Variants in TMX3 observed in about 807,000 individuals in gnomAD.
TMX3 encodes the protein protein disulfide-isomerase TMX3.
Under a neutral mutation model 64.4 loss-of-function variants are expected in TMX3, and 40 were observed. The ratio of observed to expected loss-of-function variants is 0.62; its 90% CI spans 0.48 to 0.81. TMX3 has a LOEUF of 0.81. Ranked by LOEUF, TMX3 falls within the 30% of genes least tolerant of loss-of-function variation. TMX3 has a pLI of 0.00. For missense variants in TMX3, 497 were observed against 534.5 expected (o/e 0.93, Z 0.69); for synonymous variants, 189 against 175.7 (o/e 1.08, Z -0.60).
chr18:68,712,757 GA>G (rs1056808593), intron 2 of TMX3, among the ~76,000 whole-genome samples: 1 of 151,982 alleles, frequency 6.6e-6, no homozygotes, highest in Non-Finnish European at 1.5e-5. Flanking sequence ...GTTCTTCTCA[GA>G]ATCAAAAACT....
intron 8 of TMX3, among the ~76,000 whole-genome samples, chr18:68,691,649 T>C (rs1026822085): frequency 1.3e-5 from 2 of 152,186 alleles, no homozygotes; most frequent in Non-Finnish European, 2.9e-5. Context: ...CAGGTTTAAG[T>C]CCTTCCCCAC....
At chr18:68,683,538 T>C (rs1203360773) in intron 12 of TMX3, among the ~76,000 whole-genome samples, 3 of 152,186 alleles carry the variant, frequency 2.0e-5, no homozygotes, top group African/African-American at 7.2e-5. Context: ...AGAATAATTA[T>C]CTGCCTATCT....
intron 9 of TMX3, 77 bp downstream of exon 9, chr18:68,691,218 T>C: frequency 9.7e-7 from 1 of 1,031,584 alleles, no homozygotes; most frequent in Non-Finnish European, 1.4e-6. Flanking sequence ...AGCATTTACA[T>C]AATCTTTACA....
intron 4 of TMX3, among the ~76,000 whole-genome samples, chr18:68,707,461 T>C (rs941561753): frequency 6.6e-6 from 1 of 152,164 alleles, no homozygotes. Context: ...TAATAAACAG[T>C]AGTACACAGG....
rs1912789912 is a variant in TMX3 at position 68,674,733 on chromosome 18, A to G, written c.*2200T>C. 1 of 152,144 alleles carries G rather than the reference A, an allele frequency of 6.6e-6. No individual in the cohort carries two copies. Among genetic ancestry groups the G allele is most frequent in the Non-Finnish European group, 1.5e-5 (1 of 67,986 alleles). The allele number at this position is 152,144 out of a possible 1,614,324, so 9.4% of individuals were successfully genotyped here. ...AATGTAAATAAACATCTCCCAAAGT[A>G]GAGAAAAAAACAAAATTTTAATACA... On this transcript the variant is annotated 3_prime_UTR_variant, in exon 16 of 16. Coordinates refer to ENST00000299608, the MANE Select transcript of TMX3 (RefSeq NM_019022.5).
At chr18:68,714,638 CAA>C (rs1417643080) in intron 1 of TMX3, among the ~76,000 whole-genome samples, 1 of 152,224 alleles carries the variant, frequency 6.6e-6, no homozygotes, top group Non-Finnish European at 1.5e-5. Context: ...TCTTGCCCAT[CAA>C]AGGAGTAAGC....
chr18:68,714,233 CTTTA>C (rs2031647810), intron 1 of TMX3: 1 of 168,512 alleles, frequency 5.9e-6, no homozygotes, highest in Admixed American at 6.3e-5. Flanking sequence ...CAGCATTCTT[CTTTA>C]TTTCTTTTGC....
chr18:68,713,472 G>T (rs2031505821), intron 2 of TMX3, among the ~76,000 whole-genome samples: 1 of 152,162 alleles, frequency 6.6e-6, no homozygotes, highest in African/African-American at 2.4e-5. Flanking sequence ...ATCACACACA[G>T]GAATTTGGGT....
chr18:68,696,678 T>G (rs1046908312), intron 8 of TMX3, among the ~76,000 whole-genome samples: 1 of 151,898 alleles, frequency 6.6e-6, no homozygotes, highest in Non-Finnish European at 1.5e-5. Flanking sequence ...GATTTCACCA[T>G]GTTGGCCAAG....
intron 5 of TMX3, among the ~76,000 whole-genome samples, chr18:68,701,328 T>C (rs1291142006): frequency 6.6e-6 from 1 of 152,142 alleles, no homozygotes; most frequent in African/African-American, 2.4e-5. Flanking sequence ...GAAGTCATGA[T>C]AAAACAAGTC....
intron 13 of TMX3, 168 bp from the exon 14 acceptor site, chr18:68,681,278 G>A: frequency 1.6e-6 from 1 of 618,048 alleles, no homozygotes; most frequent in South Asian, 5.6e-5. Context: ...TGTATTTTAT[G>A]CATTCATGAC....
chr18:68,697,355 A>C, intron 7 of TMX3, 52 bp from the exon 8 acceptor site: 1 of 1,037,818 alleles, frequency 9.6e-7, no homozygotes, highest in Non-Finnish European at 1.4e-6. Context: ...AAAGGCCAAA[A>C]TTCATTCCTC....
rs192507209 is a variant in TMX3 at position 68,696,647 on chromosome 18, T to A, written c.570+579A>T. On this transcript the variant is annotated intron_variant, in intron 8 of 15. Coordinates refer to ENST00000299608, the MANE Select transcript of TMX3 (RefSeq NM_019022.5). ...ACGTGCCACCATGCCTGGCTAGTTT[T>A]TGTATTTTTAGTAGAGATAGGATTT... Among the ~76,000 whole-genome samples, 27 of 152,016 alleles carry A rather than the reference T, an allele frequency of 1.8e-4. No homozygotes were observed. In the East Asian group the frequency reaches 5.0e-3, roughly 28 times the overall value.
chr18:68,678,134 A>G (rs968141629), intron 15 of TMX3, among the ~76,000 whole-genome samples: 1 of 152,150 alleles, frequency 6.6e-6, no homozygotes. Context: ...CAGCAGCTAG[A>G]CAGAATGTGA....
At chr18:68,697,027 GGT>G in intron 8 of TMX3, 197 bp downstream of exon 8, 2 of 417,108 alleles carry the variant, frequency 4.8e-6, no homozygotes, top group Non-Finnish European at 8.7e-6. Context: ...CGAATCTGAT[GGT>G]ATTTATTAAT....
chr18:68,680,562 T>G (rs1214457009), intron 14 of TMX3, among the ~76,000 whole-genome samples: 1 of 152,202 alleles, frequency 6.6e-6, no homozygotes, highest in Non-Finnish European at 1.5e-5. Flanking sequence ...TTGCAGATTT[T>G]CTTAGAAAAC....
At chr18:68,704,617 A>C (rs1054464775) in intron 4 of TMX3, among the ~76,000 whole-genome samples, 2 of 152,200 alleles carry the variant, frequency 1.3e-5, no homozygotes, top group African/African-American at 4.8e-5. Flanking sequence ...AAATTTTTTT[A>C]TTCTTTACTT....
intron 8 of TMX3, among the ~76,000 whole-genome samples, chr18:68,696,374 A>G (rs1007183057): frequency 4.6e-5 from 7 of 152,034 alleles, no homozygotes; most frequent in Admixed American, 2.6e-4. Flanking sequence ...GAGTTTCAAC[A>G]TGTTGGCCAG....
intron 13 of TMX3, chr18:68,681,615 T>C (rs1913441465): frequency 2.0e-6 from 2 of 985,448 alleles, no homozygotes; most frequent in Middle Eastern, 5.2e-4. Flanking sequence ...AGATGATGAA[T>C]GTTACTTCAG....
Sources: gnomAD v4.1 joint callset for allele counts (sites outside exome capture counted in the v4.1 genomes callset) on GRCh38, gnomAD v4.1.1 for gene constraint, MANE v1.5 for transcripts, NCBI Gene and HGNC (gene_info 2026-07-23, HGNC 2026-07-21) for gene names.